TBCK: variants seen among roughly 807,000 people sequenced by gnomAD.
TBCK encodes the protein TBC domain-containing protein kinase-like protein.
In TBCK, 99 loss-of-function variants were observed where a neutral mutation model predicts 113.4. That is an observed-to-expected ratio of 0.87 (90% CI 0.74 to 1.03). TBCK has a LOEUF of 1.03. Ranked by LOEUF, TBCK falls within the 50% of genes least tolerant of loss-of-function variation. The pLI is 0.00. For synonymous variants in TBCK, 369 were observed against 370.8 expected (o/e 1.00, Z 0.05); for missense variants, 1,045 against 1,061.3 (o/e 0.98, Z 0.21).
chr4:106,212,340 T>C (rs1280135970), intron 20 of TBCK, among the ~76,000 whole-genome samples: 1 of 152,148 alleles, frequency 6.6e-6, no homozygotes, highest in Non-Finnish European at 1.5e-5. Flanking sequence ...TAGCTTGATG[T>C]GGACTACAGA....
At chr4:106,124,831 T>G (rs2149598759) in intron 23 of TBCK, among the ~76,000 whole-genome samples, 1 of 150,686 alleles carries the variant, frequency 6.6e-6, no homozygotes, top group East Asian at 1.9e-4. Context: ...AAGGGGAATA[T>G]CACACTCTGG....
intron 3 of TBCK, among the ~76,000 whole-genome samples, chr4:106,291,995 G>A (rs1410515229): frequency 6.6e-6 from 1 of 152,166 alleles, no homozygotes; most frequent in Non-Finnish European, 1.5e-5. Flanking sequence ...ATATTTATGT[G>A]CACTTTTGTT....
At chr4:106,168,236 G>GA (rs1483302130) in intron 23 of TBCK, among the ~76,000 whole-genome samples, 1 of 151,746 alleles carries the variant, frequency 6.6e-6, no homozygotes, top group African/African-American at 2.4e-5. Context: ...AGCTAAAGAA[G>GA]AAAATTCACA....
intron 3 of TBCK, among the ~76,000 whole-genome samples, chr4:106,263,099 A>G (rs917686715): frequency 5.9e-5 from 9 of 151,960 alleles, no homozygotes; most frequent in African/African-American, 1.9e-4. Context: ...TTTATTAATT[A>G]TCCTCTAATG....
chr4:106,177,179 G>C (rs12511305), intron 22 of TBCK, among the ~76,000 whole-genome samples: 5 of 151,630 alleles, frequency 3.3e-5, no homozygotes, highest in African/African-American at 1.2e-4. Flanking sequence ...TCATCTACCC[G>C]TTTTTTAAAT....
At chr4:106,252,058 T>A in intron 5 of TBCK, 51 bp from the exon 6 acceptor site, 1 of 1,447,254 alleles carries the variant, frequency 6.9e-7, no homozygotes, top group South Asian at 1.4e-5. Flanking sequence ...AAAGAAGCGA[T>A]AGTACATTTT....
chr4:106,124,687 T>G (rs1188580431), intron 23 of TBCK, among the ~76,000 whole-genome samples: 1 of 152,104 alleles, frequency 6.6e-6, no homozygotes, highest in Non-Finnish European at 1.5e-5. Flanking sequence ...AATGATGAGT[T>G]CATGTCCTTT....
chr4:106,149,934 A>G (rs905573045), intron 23 of TBCK, among the ~76,000 whole-genome samples: 53 of 152,374 alleles, frequency 3.5e-4, no homozygotes, highest in African/African-American at 1.2e-3. Context: ...TTCAAGAAAG[A>G]AAACATAAAG....
chr4:106,256,752 C>T (rs1391395332), intron 5 of TBCK, among the ~76,000 whole-genome samples: 1 of 152,188 alleles, frequency 6.6e-6, no homozygotes, highest in South Asian at 2.1e-4. Context: ...CACACTGCAG[C>T]CGGCATCATG....
chr4:106,173,539 T>C (rs7655054), intron 22 of TBCK, among the ~76,000 whole-genome samples: 30,710 of 151,860 alleles, frequency 0.2, 3,283 homozygotes, highest in African/African-American at 0.28. Flanking sequence ...TGATCTAGAG[T>C]AAAGGTTGTA....
chr4:106,172,410 C>T (rs569255642), intron 22 of TBCK, among the ~76,000 whole-genome samples: 4 of 152,102 alleles, frequency 2.6e-5, no homozygotes, highest in East Asian at 1.9e-4. Context: ...TCCTCTATGG[C>T]GAAAGTAGAA....
At chr4:106,092,994 A>G (rs1219952715) in intron 25 of TBCK, among the ~76,000 whole-genome samples, 1 of 152,232 alleles carries the variant, frequency 6.6e-6, no homozygotes, top group African/African-American at 2.4e-5. Context: ...TTACATTTCA[A>G]CATGAGATTT....
intron 19 of TBCK, among the ~76,000 whole-genome samples, chr4:106,218,889 T>G (rs1338057528): frequency 2.0e-5 from 3 of 149,940 alleles, no homozygotes; most frequent in African/African-American, 7.4e-5. Flanking sequence ...CAAAGGACTA[T>G]AAATCATGCT....
At chr4:106,108,842 A>G (rs913129479) in intron 24 of TBCK, among the ~76,000 whole-genome samples, 1 of 152,202 alleles carries the variant, frequency 6.6e-6, no homozygotes, top group African/African-American at 2.4e-5. Context: ...ACATGATTCT[A>G]TATCTAGAAA....
At position 106,124,569 on chromosome 4, in the gene TBCK, T is replaced by C. The variant is rs1391270354; in HGVS notation, c.2236-8191A>G. Reference sequence around the variant, plus strand: ...ATGCACACGTATGTTTATTGCGGCATTATTCACAATAGCAAAGACTTGGAG... The same window carrying C: ...ATGCACACGTATGTTTATTGCGGCACTATTCACAATAGCAAAGACTTGGAG... On this transcript the variant is annotated intron_variant, in intron 23 of 25. Coordinates refer to ENST00000394708, the MANE Select transcript of TBCK (RefSeq NM_001163435.3). Among the ~76,000 whole-genome samples, 8 of 152,076 alleles carry C rather than the reference T, an allele frequency of 5.3e-5. No homozygotes were observed. The East Asian group carries it at 5.8e-4, about 11-fold the overall frequency.
chr4:106,182,166 G>C (rs1321480600), intron 22 of TBCK, among the ~76,000 whole-genome samples: 1 of 152,050 alleles, frequency 6.6e-6, no homozygotes, highest in Admixed American at 6.6e-5. Flanking sequence ...TTGGCTCTCT[G>C]TTTATGTGTT....
At chr4:106,315,524 T>A (rs1768713276) in intron 1 of TBCK, 1 of 152,254 alleles carries the variant, frequency 6.6e-6, no homozygotes, top group Non-Finnish European at 1.5e-5. Context: ...AATCCTCAAG[T>A]AACTTCCTTC....
At chr4:106,221,948 T>C (rs371390784) in intron 19 of TBCK, among the ~76,000 whole-genome samples, 1 of 152,074 alleles carries the variant, frequency 6.6e-6, no homozygotes, top group Non-Finnish European at 1.5e-5. Flanking sequence ...AATCTGTACA[T>C]GTACCCTGAA....
intron 2 of TBCK, among the ~76,000 whole-genome samples, chr4:106,298,576 C>T (rs1034545828): frequency 2.0e-5 from 3 of 152,022 alleles, no homozygotes; most frequent in Admixed American, 1.3e-4. Flanking sequence ...TGCCACTGCA[C>T]TCCAGCCTGG....
Sources: gnomAD v4.1 joint callset for allele counts (sites outside exome capture counted in the v4.1 genomes callset) on GRCh38, gnomAD v4.1.1 for gene constraint, MANE v1.5 for transcripts, NCBI Gene and HGNC (gene_info 2026-07-23, HGNC 2026-07-21) for gene names.